The following IFIH1 variants were observed in gnomAD, a reference collection of about 807,000 sequenced individuals.
IFIH1 encodes the protein interferon induced with helicase C domain 1, also known as interferon-induced helicase C domain-containing protein 1.
IFIH1 carries 125 observed loss-of-function variants against 107.4 expected under a neutral mutation model. The observed-to-expected ratio is 1.16, with a 90% confidence interval of 1.01 to 1.35. IFIH1 has a LOEUF of 1.35. Ranked by LOEUF, IFIH1 falls within the 40% of genes most tolerant of loss-of-function variation. The probability of loss-of-function intolerance (pLI) is 0.00; values close to 1 mark genes in which losing one functional copy is unlikely to be tolerated. For missense variants in IFIH1, 1,333 were observed against 1,213.7 expected (o/e 1.10, Z -1.46); for synonymous variants, 458 against 413.2 (o/e 1.11, Z -1.31).
chr2:162,296,608 T>G (rs1683088200), intron 3 of IFIH1, among the ~76,000 whole-genome samples: 1 of 152,134 alleles, frequency 6.6e-6, no homozygotes, highest in Non-Finnish European at 1.5e-5. Context: ...AAACACAGTG[T>G]TAACTGAATT....
At chr2:162,314,579 C>T (rs1237479987) in intron 1 of IFIH1, among the ~76,000 whole-genome samples, 1 of 151,644 alleles carries the variant, frequency 6.6e-6, no homozygotes, top group East Asian at 1.9e-4. Flanking sequence ...GCTCCGCCTC[C>T]CAGGTTCATG....
chr2:162,304,023 T>C (rs1683236986), intron 3 of IFIH1, among the ~76,000 whole-genome samples: 1 of 152,192 alleles, frequency 6.6e-6, no homozygotes, highest in Non-Finnish European at 1.5e-5. Context: ...TAGTGAATTT[T>C]GGCATTCCTA....
intron 2 of IFIH1, among the ~76,000 whole-genome samples, chr2:162,308,322 T>C (rs139827152): frequency 0.03 from 4,555 of 152,128 alleles, 408 homozygotes; most frequent in Admixed American, 0.21. Flanking sequence ...TCTTTCTTCC[T>C]CTTCTTAAAA....
intron 3 of IFIH1, among the ~76,000 whole-genome samples, chr2:162,301,337 A>G (rs1683189936): frequency 6.6e-6 from 1 of 152,184 alleles, no homozygotes; most frequent in Admixed American, 6.5e-5. Context: ...TCACGCTGAA[A>G]CAGTGAAATT....
At chr2:162,307,911 A>G (rs1326332604) in intron 2 of IFIH1, among the ~76,000 whole-genome samples, 2 of 152,348 alleles carry the variant, frequency 1.3e-5, no homozygotes, top group East Asian at 3.9e-4. Context: ...ATGGTAAGTA[A>G]TATTATTGTC....
chr2:162,272,215 A>G lies in IFIH1; in HGVS notation c.2616+11T>C, dbSNP rs3747518. 0.047 allele frequency: 75,854 copies of G among 1,605,026 alleles called. 10,595 individuals are homozygous for G. Among genetic ancestry groups the G allele is most frequent in the African/African-American group, 0.42 (31,257 of 74,500 alleles). On this transcript the variant is annotated intron_variant, in intron 13 of 15. Transcript: ENST00000649979. Reference sequence around the variant, plus strand: ...TAAATGAAAATCAAATTCAGAGGTGACCAACAATACCTTATGAGCATACTC... The same window carrying G: ...TAAATGAAAATCAAATTCAGAGGTGGCCAACAATACCTTATGAGCATACTC...
chr2:162,280,616 T>G (rs1246968716), intron 7 of IFIH1, among the ~76,000 whole-genome samples: 1 of 152,082 alleles, frequency 6.6e-6, no homozygotes, highest in Non-Finnish European at 1.5e-5. Flanking sequence ...GTTCCTTGAT[T>G]ATTAGATTGG....
rs1048089815 is a variant in IFIH1 at position 162,318,162 on chromosome 2, G to A, written c.146C>T (p.Thr49Ile). 4 of 1,614,050 alleles carry A rather than the reference G, an allele frequency of 2.5e-6. No individual in the cohort carries two copies. The highest frequency in any genetic ancestry group is 1.3e-5 in the African/African-American group (1 of 74,920). ...PAEVKEQIQR[T>I]VATSGNMQAV... ...CTGCATGTTCCCGGAGGTGGCGACT[G>A]TCCTCTGAATCTGCTCCTTCACCTC... Residue 49 changes from threonine to isoleucine, a missense_variant, in exon 1 of 16, where the codon ACA becomes ATA. Thr to Ile is a moderately conservative substitution (Grantham distance 89). Coordinates refer to ENST00000649979, the MANE Select transcript of IFIH1 (RefSeq NM_022168.4).
chr2:162,269,958 C>T (rs575886626), intron 13 of IFIH1, among the ~76,000 whole-genome samples: 1 of 152,046 alleles, frequency 6.6e-6, no homozygotes, highest in South Asian at 2.1e-4. Context: ...TTTTATAAGA[C>T]ATTTACAGTT....
intron 3 of IFIH1, among the ~76,000 whole-genome samples, chr2:162,304,173 C>G (rs1358949440): frequency 6.6e-6 from 1 of 152,064 alleles, no homozygotes; most frequent in Non-Finnish European, 1.5e-5. Context: ...AATCGCATTA[C>G]ATTAAAAAAC....
chr2:162,281,021 A>G (rs1458629020), intron 7 of IFIH1, among the ~76,000 whole-genome samples: 1 of 152,092 alleles, frequency 6.6e-6, no homozygotes, highest in Non-Finnish European at 1.5e-5. Context: ...GCATATTTCT[A>G]TATCAGGTAG....
chr2:162,314,650 G>C (rs1683455539), intron 1 of IFIH1, among the ~76,000 whole-genome samples: 1 of 151,566 alleles, frequency 6.6e-6, no homozygotes, highest in Non-Finnish European at 1.5e-5. Flanking sequence ...ACCACACCCA[G>C]CTAATTTTTT....
chr2:162,280,421 T>C (rs944547357), intron 7 of IFIH1, among the ~76,000 whole-genome samples: 5 of 152,092 alleles, frequency 3.3e-5, no homozygotes, highest in Non-Finnish European at 7.4e-5. Context: ...AATTCCATTT[T>C]CCAAGTGGAA....
intron 2 of IFIH1, 38 bp from the exon 3 acceptor site, chr2:162,306,893 A>G: frequency 6.2e-7 from 1 of 1,600,018 alleles, no homozygotes; most frequent in South Asian, 1.1e-5. Context: ...TCATAGTGCC[A>G]TACAAGTTTT....
At chr2:162,295,076 G>A (rs1323510972) in intron 3 of IFIH1, among the ~76,000 whole-genome samples, 3 of 151,754 alleles carry the variant, frequency 2.0e-5, no homozygotes, top group Non-Finnish European at 4.4e-5. Flanking sequence ...ATACAGTTTT[G>A]CAACTTTGAA....
chr2:162,279,112 G>T (rs1042592308), intron 8 of IFIH1, among the ~76,000 whole-genome samples: 11 of 151,978 alleles, frequency 7.2e-5, no homozygotes, highest in African/African-American at 2.7e-4. Flanking sequence ...AAATCTTTAT[G>T]AGTAGAAACA....
At chr2:162,317,619 T>C (rs1228312122) in intron 1 of IFIH1, among the ~76,000 whole-genome samples, 1 of 152,250 alleles carries the variant, frequency 6.6e-6, no homozygotes, top group Non-Finnish European at 1.5e-5. Flanking sequence ...TACCTGTTAA[T>C]ACACATTACG....
At position 162,277,412 on chromosome 2, in the gene IFIH1, T is replaced by C; in HGVS notation, c.2044+3A>G. On this transcript the variant is annotated splice_donor_region_variant and intron_variant, in intron 10 of 15. Coordinates refer to ENST00000649979, the MANE Select transcript of IFIH1 (RefSeq NM_022168.4). ...CACCAGTATATGTTACTTTGAATCT[T>C]ACCAAAAAATAAAGTCATGAGAAAT... is the stretch of plus-strand genomic sequence containing the variant. 6.2e-7 allele frequency: 1 copy of C among 1,601,478 alleles called. No individual in the cohort carries two copies. Among genetic ancestry groups the C allele is most frequent in the Non-Finnish European group, 8.5e-7 (1 of 1,170,388 alleles).
intron 1 of IFIH1, among the ~76,000 whole-genome samples, chr2:162,315,913 T>A (rs1263998584): frequency 2.0e-5 from 3 of 152,190 alleles, no homozygotes; most frequent in Non-Finnish European, 4.4e-5. Flanking sequence ...CTAGAGAGCC[T>A]CAAATTTATA....
Sources: allele counts gnomAD v4.1 joint callset (sites outside exome capture counted in the v4.1 genomes callset), GRCh38; gene constraint gnomAD v4.1.1; transcripts MANE v1.5; gene names NCBI Gene and HGNC (gene_info 2026-07-23, HGNC 2026-07-21).